The following KLF12 variants were observed in gnomAD, a reference collection of about 807,000 sequenced individuals.
KLF12 encodes KLF transcription factor 12.
In KLF12, 9 loss-of-function variants were observed where a neutral mutation model predicts 37.8. The ratio of observed to expected loss-of-function variants is 0.24; its 90% CI spans 0.14 to 0.42. KLF12 has a LOEUF of 0.42. KLF12 is among the 10% of genes least tolerant of loss of function. The pLI, the probability that KLF12 is intolerant of heterozygous loss-of-function variation, is 1.00. For missense variants in KLF12, 411 were observed against 516.0 expected (o/e 0.80, Z 1.97); for synonymous variants, 208 against 202.1 (o/e 1.03, Z -0.25).
chr13:74,303,486 C>T, the KLF12 span, among the ~76,000 whole-genome samples: 2 of 152,208 alleles, frequency 1.3e-5, no homozygotes, highest in South Asian at 4.2e-4. Context: ...CCTTCCTCTC[C>T]ATCATATAAA....
Position 73,764,977 on chromosome 13 carries a change from C to A in KLF12, c.830G>T (p.Arg277Met). ...ATTATTCATTCGATTGCCCCGGACC[C>A]TTGATACTGGGGACGGATGTACCCT... Residue 277 changes from arginine to methionine, a missense_variant, in exon 6 of 8, where the codon AGG (arginine) becomes ATG (methionine). By Grantham distance (91) the Arg-to-Met change is moderately conservative. This residue lies in a region of KLF12 where 351 missense variants were observed against 397.8 expected (regional missense o/e 0.88). Coordinates refer to ENST00000377669, the MANE Select transcript of KLF12 (RefSeq NM_007249.5). 1 of 1,574,674 alleles carries A rather than the reference C, an allele frequency of 6.4e-7. No homozygotes were observed.
chr13:73,897,884 T>C (rs1887860351), intron 3 of KLF12, among the ~76,000 whole-genome samples: 1 of 152,260 alleles, frequency 6.6e-6, no homozygotes, highest in Non-Finnish European at 1.5e-5. Flanking sequence ...TGTCTCATAA[T>C]GTGGTTTCTG....
At chr13:74,263,712 C>A in the KLF12 span, among the ~76,000 whole-genome samples, 11 of 152,264 alleles carry the variant, frequency 7.2e-5, no homozygotes, top group African/African-American at 2.6e-4. Flanking sequence ...TGCACTCCAG[C>A]CTGGCGACAG....
intron 1 of KLF12, among the ~76,000 whole-genome samples, chr13:74,074,702 G>C (rs1874467102): frequency 6.6e-6 from 1 of 152,114 alleles, no homozygotes; most frequent in Admixed American, 6.6e-5. Flanking sequence ...ATGTCATGGG[G>C]GTTTGTTGTA....
At chr13:74,184,453 T>A in the KLF12 span, among the ~76,000 whole-genome samples, 2 of 152,094 alleles carry the variant, frequency 1.3e-5, no homozygotes, top group Non-Finnish European at 2.9e-5. Context: ...TTGAATATAA[T>A]GTTTCCACTT....
At chr13:74,102,798 A>C (rs562754513) in intron 1 of KLF12, among the ~76,000 whole-genome samples, 127 of 152,310 alleles carry the variant, frequency 8.3e-4, no homozygotes, top group Middle Eastern at 3.4e-3. Context: ...ACAGGGAATG[A>C]CTGAGGAAAT....
chr13:73,727,776 C>T (rs1255167056), intron 6 of KLF12, among the ~76,000 whole-genome samples: 2 of 151,812 alleles, frequency 1.3e-5, no homozygotes, highest in African/African-American at 4.8e-5. Context: ...TGGCTCACTG[C>T]AACCTCCGTC....
chr13:74,236,108 C>T, the KLF12 span, among the ~76,000 whole-genome samples: 2 of 147,964 alleles, frequency 1.4e-5, no homozygotes, highest in Non-Finnish European at 3.0e-5. Context: ...CCCCAACCCA[C>T]AACAGTCCCC....
chr13:74,135,868 A>T (rs1363094572), upstream of KLF12, among the ~76,000 whole-genome samples: 1 of 152,208 alleles, frequency 6.6e-6, no homozygotes, highest in Non-Finnish European at 1.5e-5. Flanking sequence ...CGAAGGCACG[A>T]ATGTGAGCCA....
In KLF12 at chr13:74,036,091, G is replaced by C. The variant is rs760686550; in HGVS notation, c.-31-41038C>G. The stretch of plus-strand genomic sequence containing the variant: ...AGAATGCTCCTATACACTCCTATCC[G>C]CAAGGCCTAGCATTCATCAGCTCCT... On this transcript the variant is annotated intron_variant, in intron 1 of 7. Coordinates refer to ENST00000377669, the MANE Select transcript of KLF12 (RefSeq NM_007249.5). 6.9e-4 allele frequency among the ~76,000 whole-genome samples: 105 copies of C among 152,104 alleles called. 1 individual carries two copies. Among genetic ancestry groups the C allele is most frequent in the Non-Finnish European group, 6.3e-4 (43 of 67,996 alleles).
intron 5 of KLF12, among the ~76,000 whole-genome samples, chr13:73,770,035 TTAAA>T (rs1483111300): frequency 6.6e-6 from 1 of 152,184 alleles, no homozygotes; most frequent in East Asian, 1.9e-4. Context: ...AGGTTAATGA[TTAAA>T]TGATTATCTA....
chr13:73,957,223 CATACTT>C (rs1890873647), intron 2 of KLF12, among the ~76,000 whole-genome samples: 1 of 151,508 alleles, frequency 6.6e-6, no homozygotes, highest in Non-Finnish European at 1.5e-5. Flanking sequence ...ATATAAAAAT[CATACTT>C]ATAATTTGCT....
At chr13:74,135,535 G>A (rs970641333), upstream of KLF12, among the ~76,000 whole-genome samples, 1 of 151,504 alleles carries the variant, frequency 6.6e-6, no homozygotes, top group Non-Finnish European at 1.5e-5. Flanking sequence ...CGGAGGGCGC[G>A]GGGTCAGCGC....
At position 73,695,463 on chromosome 13, in the gene KLF12, T is replaced by C; in HGVS notation, c.*27A>G. ...GGGTGCCGCTAAGAGATCCAGCTCT[T>C]ACGCTCAGCTGGACAGGTAGCATTC... is the stretch of plus-strand genomic sequence containing the variant. On this transcript the variant is annotated 3_prime_UTR_variant, in exon 8 of 8. Coordinates refer to ENST00000377669, the MANE Select transcript of KLF12 (RefSeq NM_007249.5). 1 of 1,608,432 alleles carries C rather than the reference T, an allele frequency of 6.2e-7. No homozygotes were observed. The highest frequency in any genetic ancestry group is 2.2e-5 in the East Asian group (1 of 44,786).
intron 3 of KLF12, among the ~76,000 whole-genome samples, chr13:73,923,048 T>TTA (rs1431994462): frequency 6.6e-6 from 1 of 152,214 alleles, no homozygotes; most frequent in Non-Finnish European, 1.5e-5. Flanking sequence ...GAGATGTCAT[T>TTA]TAAATGCCAA....
intron 1 of KLF12, among the ~76,000 whole-genome samples, chr13:74,034,854 C>T (rs1247726200): frequency 6.6e-6 from 1 of 152,168 alleles, no homozygotes; most frequent in Admixed American, 6.5e-5. Flanking sequence ...TATAAAAAGG[C>T]CCATCATATA....
chr13:74,021,082 C>G (rs564901810), intron 1 of KLF12, among the ~76,000 whole-genome samples: 13 of 151,968 alleles, frequency 8.6e-5, no homozygotes, highest in African/African-American at 3.1e-4. Context: ...CATGTAAAGA[C>G]GGTGAAAAGG....
At chr13:73,886,344 T>C (rs1364315169) in intron 3 of KLF12, among the ~76,000 whole-genome samples, 1 of 152,242 alleles carries the variant, frequency 6.6e-6, no homozygotes, top group Admixed American at 6.5e-5. Context: ...TGCATGAATC[T>C]GTGCTCAGTG....
the KLF12 span, among the ~76,000 whole-genome samples, chr13:74,296,607 A>C: frequency 1.3e-5 from 2 of 152,212 alleles, no homozygotes; most frequent in Non-Finnish European, 2.9e-5. Context: ...TTGTTTTGAA[A>C]AAGTCACGAA....
Sources: allele counts gnomAD v4.1 joint callset (sites outside exome capture counted in the v4.1 genomes callset), GRCh38; gene constraint gnomAD v4.1.1; regional missense constraint gnomAD v4.1.1; transcripts MANE v1.5; gene names NCBI Gene and HGNC (gene_info 2026-07-23, HGNC 2026-07-21).